Variants in AGBL1 observed in about 807,000 individuals in gnomAD.
AGBL1 encodes the protein AGBL carboxypeptidase 1.
Under a neutral mutation model 118.9 loss-of-function variants are expected in AGBL1, and 130 were observed. The observed-to-expected ratio is 1.09, with a 90% confidence interval of 0.95 to 1.26. The LOEUF is 1.26. AGBL1 is among the 50% of genes most tolerant of loss of function. AGBL1 has a pLI of 0.00. For synonymous variants in AGBL1, 555 were observed against 478.9 expected (o/e 1.16, Z -2.08); for missense variants, 1,584 against 1,298.1 (o/e 1.22, Z -3.38).
chr15:86,160,527 T>C (rs1327452278), intron 5 of AGBL1, among the ~76,000 whole-genome samples: 1 of 152,190 alleles, frequency 6.6e-6, no homozygotes, highest in Non-Finnish European at 1.5e-5. Flanking sequence ...CTCATGTCCA[T>C]TTGGACATAT....
rs1292927881 is a variant in AGBL1 at position 86,933,929 on chromosome 15, C to T, written c.3222-54058C>T. On this transcript the variant is annotated intron_variant, in intron 23 of 24. Transcript: ENST00000441037. ...CACTGCCCAGTACAAGCTCTGTGGC[C>T]TTATTAAGTTTCTCCATCTTCAATT... Among the ~76,000 whole-genome samples the T allele has an allele frequency of 4.6e-5, 7 of 152,292 alleles. No homozygotes were observed. The South Asian group carries it at 1.2e-3, about 27-fold the overall frequency.
intron 16 of AGBL1, among the ~76,000 whole-genome samples, chr15:86,289,005 CT>C (rs1192869137): frequency 2.6e-5 from 4 of 152,068 alleles, no homozygotes; most frequent in Admixed American, 6.6e-5. Flanking sequence ...GCCATGCTTG[CT>C]TTAATTTATG....
intron 1 of AGBL1, among the ~76,000 whole-genome samples, chr15:86,100,065 A>G (rs80312493): frequency 6.6e-6 from 1 of 152,010 alleles, no homozygotes; most frequent in African/African-American, 2.4e-5. Flanking sequence ...AATTTTATCA[A>G]ATGCTTTTTC....
intron 18 of AGBL1, among the ~76,000 whole-genome samples, chr15:86,470,882 C>A (rs767892441): frequency 2.6e-5 from 4 of 151,952 alleles, no homozygotes; most frequent in Non-Finnish European, 4.4e-5. Context: ...ATGTGTCTTG[C>A]AGCATTACTG....
intron 21 of AGBL1, among the ~76,000 whole-genome samples, chr15:86,638,563 C>T (rs997124453): frequency 8.5e-5 from 13 of 152,124 alleles, no homozygotes; most frequent in Non-Finnish European, 1.8e-4. Flanking sequence ...GCAGCATTCT[C>T]CTTTATCTCC....
At chr15:86,963,290 A>G (rs2081012548) in intron 23 of AGBL1, among the ~76,000 whole-genome samples, 1 of 152,128 alleles carries the variant, frequency 6.6e-6, no homozygotes, top group African/African-American at 2.4e-5. Context: ...CACGTAGTAT[A>G]CAGAATCCTC....
chr15:86,183,791 A>G (rs2077585571), intron 5 of AGBL1, among the ~76,000 whole-genome samples: 1 of 152,204 alleles, frequency 6.6e-6, no homozygotes. Flanking sequence ...AGCTAATACC[A>G]AAGTCCCTCA....
In AGBL1 at chr15:86,163,622, G is replaced by GT. The variant is rs528728513; in HGVS notation, c.488+4596_488+4597insT. On this transcript the variant is annotated intron_variant, in intron 5 of 22. Transcript: ENST00000614907. ...GGATTCCTGTAATCCCAGCTACCTG[G>GT]GAGGCTGAGGCAGGAGAATCACTCA... Among the ~76,000 whole-genome samples the GT allele has an allele frequency of 6.6e-5, 10 of 152,152 alleles. No homozygotes were observed. In the South Asian group the frequency reaches 1.9e-3, roughly 28 times the overall value.
At chr15:86,633,833 G>GTATATATATAATGTA (rs2085026907) in intron 21 of AGBL1, among the ~76,000 whole-genome samples, 7 of 31,680 alleles carry the variant, frequency 2.2e-4, no homozygotes, top group African/African-American at 1.2e-3. Context: ...TATATATAAT[G>GTATATATATAATGTA]TATATATATA....
intron 22 of AGBL1, among the ~76,000 whole-genome samples, chr15:86,713,543 G>T (rs1175575616): frequency 6.6e-6 from 1 of 152,120 alleles, no homozygotes; most frequent in African/African-American, 2.4e-5. Context: ...ACGGGTTGTG[G>T]AAATTAAAGT....
chr15:86,563,509 A>G (rs2083862547), intron 21 of AGBL1, among the ~76,000 whole-genome samples: 1 of 151,432 alleles, frequency 6.6e-6, no homozygotes, highest in Non-Finnish European at 1.5e-5. Context: ...TCTGAGAGAC[A>G]GTTTGTTATA....
intron 1 of AGBL1, among the ~76,000 whole-genome samples, chr15:86,116,242 C>G (rs1395209824): frequency 6.6e-6 from 1 of 152,164 alleles, no homozygotes; most frequent in Non-Finnish European, 1.5e-5. Flanking sequence ...AAATGTAAGG[C>G]TCAGAAAGAT....
chr15:87,024,276 A>G (rs1427095684), intron 24 of AGBL1, among the ~76,000 whole-genome samples: 1 of 152,088 alleles, frequency 6.6e-6, no homozygotes, highest in African/African-American at 2.4e-5. Context: ...AATAAGTTCA[A>G]TAAGAAATAA....
intron 23 of AGBL1, among the ~76,000 whole-genome samples, chr15:86,966,642 C>G (rs1163569452): frequency 2.0e-5 from 3 of 151,938 alleles, no homozygotes; most frequent in Admixed American, 6.6e-5. Flanking sequence ...ATGTCCCTAC[C>G]AAGGTCATGA....
At chr15:86,775,274 A>G (rs2078238691) in intron 22 of AGBL1, among the ~76,000 whole-genome samples, 1 of 152,172 alleles carries the variant, frequency 6.6e-6, no homozygotes, top group Non-Finnish European at 1.5e-5. Flanking sequence ...GTTGGGAGTA[A>G]TAGATTAATT....
chr15:86,484,037 A>G (rs1329893917), intron 18 of AGBL1, among the ~76,000 whole-genome samples: 1 of 152,098 alleles, frequency 6.6e-6, no homozygotes, highest in African/African-American at 2.4e-5. Context: ...TTTAGTGCTG[A>G]AATAGGTTTG....
intron 18 of AGBL1, among the ~76,000 whole-genome samples, chr15:86,424,250 T>G (rs2081835418): frequency 6.6e-6 from 1 of 152,310 alleles, no homozygotes; most frequent in East Asian, 1.9e-4. Context: ...TACAACCATC[T>G]TATCTTTGAC....
intron 18 of AGBL1, among the ~76,000 whole-genome samples, chr15:86,445,946 A>G (rs2082115386): frequency 6.6e-6 from 1 of 152,216 alleles, no homozygotes; most frequent in Non-Finnish European, 1.5e-5. Flanking sequence ...ACAATATGTC[A>G]AAGAACATCT....
intron 23 of AGBL1, among the ~76,000 whole-genome samples, chr15:86,945,514 C>A (rs943712226): frequency 2.7e-5 from 4 of 149,818 alleles, no homozygotes; most frequent in African/African-American, 9.8e-5. Context: ...ACAAAAAATA[C>A]AAAAAAAAAT....
Sources: allele counts gnomAD v4.1 joint callset (sites outside exome capture counted in the v4.1 genomes callset), GRCh38; gene constraint gnomAD v4.1.1; transcripts MANE v1.5; gene names NCBI Gene and HGNC (gene_info 2026-07-23, HGNC 2026-07-21).